Variants in PPP4R4 observed in about 807,000 individuals in gnomAD.
PPP4R4 encodes serine/threonine-protein phosphatase 4 regulatory subunit 4.
PPP4R4 carries 70 observed loss-of-function variants against 121.8 expected under a neutral mutation model. The ratio of observed to expected loss-of-function variants is 0.57; its 90% confidence interval spans 0.47 to 0.70. PPP4R4 has a LOEUF of 0.70. Ranked by LOEUF, PPP4R4 falls within the 30% of genes least tolerant of loss-of-function variation. The probability of loss-of-function intolerance (pLI) is 0.00; values close to 1 mark genes in which losing one functional copy is unlikely to be tolerated. For missense variants in PPP4R4, 875 were observed against 1,033.6 expected (o/e 0.85, Z 2.10); for synonymous variants, 348 against 355.7 (o/e 0.98, Z 0.24).
At chr14:94,270,682 G>C (rs112545960) in intron 23 of PPP4R4, among the ~76,000 whole-genome samples, 2,922 of 152,210 alleles carry the variant, frequency 0.019, 90 homozygotes, top group African/African-American at 0.066. Flanking sequence ...CAATTTGGGA[G>C]GCAGAGACGG....
In PPP4R4 at chr14:94,275,387, G is replaced by T. The variant is rs2139671642; in HGVS notation, c.2463G>T (p.Arg821=). ...SVLSLADDSF[R]TRNASSVPSS... ...TATTGCTTTCAGATGATTCATTCCGGACTCGTAATGCCAGTAGCGTTCCAT... is the reference window on the plus strand; with the variant it reads ...TATTGCTTTCAGATGATTCATTCCGTACTCGTAATGCCAGTAGCGTTCCAT... Residue 821 remains arginine, a synonymous_variant, in exon 24 of 25, where the codon CGG becomes CGT. Coordinates refer to ENST00000304338, the MANE Select transcript of PPP4R4 (RefSeq NM_058237.2). 1 of 1,613,788 alleles carries T rather than the reference G, an allele frequency of 6.2e-7. No homozygotes were observed. The highest frequency in any genetic ancestry group is 1.1e-5 in the South Asian group (1 of 91,042).
chr14:94,200,074 C>T (rs1480590169), intron 2 of PPP4R4, among the ~76,000 whole-genome samples: 2 of 152,022 alleles, frequency 1.3e-5, no homozygotes, highest in Non-Finnish European at 2.9e-5. Context: ...CTTCCCTGCA[C>T]CCCCTCCCAT....
chr14:94,177,471 A>T (rs1888742206), intron 2 of PPP4R4, among the ~76,000 whole-genome samples: 2 of 152,230 alleles, frequency 1.3e-5, no homozygotes, highest in Admixed American at 6.5e-5. Flanking sequence ...TGAACAATAG[A>T]TGTCAACATT....
At position 94,278,343 on chromosome 14, in the gene PPP4R4, G is replaced by GA. The variant is rs1894750124; in HGVS notation, c.2598-271dup. 2.0e-5 allele frequency among the ~76,000 whole-genome samples: 3 copies of GA among 152,008 alleles called. No homozygotes were observed. The East Asian group carries it at 5.8e-4, about 29-fold the overall frequency. On this transcript the variant is annotated intron_variant, in intron 24 of 24. Coordinates refer to ENST00000304338, the MANE Select transcript of PPP4R4 (RefSeq NM_058237.2). ...TGGTTATACAAAATTAAAAATGTAG[G>GA]AAAAATATGAATTAAATTGAATGCT...
intron 2 of PPP4R4, among the ~76,000 whole-genome samples, chr14:94,199,007 A>G (rs1409602847): frequency 6.6e-6 from 1 of 152,170 alleles, no homozygotes; most frequent in Admixed American, 6.5e-5. Context: ...TAGCTATTCT[A>G]TATCCTTTGC....
At chr14:94,256,656 A>G (rs537752192) in intron 17 of PPP4R4, 52 bp downstream of exon 17, 8 of 1,453,352 alleles carry the variant, frequency 5.5e-6, no homozygotes, top group Admixed American at 2.1e-5. Context: ...AGGCAGTAAG[A>G]ATCTTAGCTT....
At chr14:94,273,883 C>T (rs1211828364) in intron 23 of PPP4R4, among the ~76,000 whole-genome samples, 1 of 152,040 alleles carries the variant, frequency 6.6e-6, no homozygotes, top group Non-Finnish European at 1.5e-5. Flanking sequence ...AAATTTAAGG[C>T]ATACAAGTTC....
chr14:94,259,083 A>G (rs1421283899), intron 18 of PPP4R4, among the ~76,000 whole-genome samples: 1 of 152,280 alleles, frequency 6.6e-6, no homozygotes, highest in Non-Finnish European at 1.5e-5. Flanking sequence ...CTCATTCACT[A>G]TCATGAGAAG....
intron 3 of PPP4R4, among the ~76,000 whole-genome samples, chr14:94,229,194 G>T (rs574975429): frequency 1.2e-4 from 18 of 152,286 alleles, no homozygotes; most frequent in African/African-American, 4.3e-4. Context: ...TGGAATCAGG[G>T]ACTGGTTAAA....
In PPP4R4 at chr14:94,174,683, G is replaced by A. The variant is rs1595437232; in HGVS notation, c.117+101G>A. On this transcript the variant is annotated intron_variant, in intron 1 of 24. Transcript: ENST00000304338. ...CCACGCCACCACCCTCCCCTCCTCC[G>A]GGCCGCCGGGACCCTCTCAGTCGGG... The A allele has an allele frequency of 3.5e-5, 50 of 1,443,022 alleles. No individual in the cohort carries two copies. In the East Asian group the frequency reaches 1.3e-3, roughly 38 times the overall value. 89.4% of individuals were successfully genotyped at this position (1,443,022 alleles called of 1,614,324 possible).
chr14:94,264,133 T>C (rs1330578279), intron 19 of PPP4R4, among the ~76,000 whole-genome samples: 1 of 152,168 alleles, frequency 6.6e-6, no homozygotes, highest in Non-Finnish European at 1.5e-5. Context: ...ATAATTTGTG[T>C]ACTTTCTTTA....
chr14:94,233,026 C>G (rs1461325629), intron 5 of PPP4R4, among the ~76,000 whole-genome samples: 1 of 151,616 alleles, frequency 6.6e-6, no homozygotes, highest in Non-Finnish European at 1.5e-5. Flanking sequence ...CCACTGCACT[C>G]CAGCCTGGGC....
At position 94,258,772 on chromosome 14, in the gene PPP4R4, T is replaced by C. The variant is rs750950715; in HGVS notation, c.2011-11T>C. On this transcript the variant is annotated splice_polypyrimidine_tract_variant and intron_variant, in intron 17 of 24. Transcript: ENST00000304338. ...ATTACTTTAGAATAATTTTAAAAAC[T>C]TTCCTTATAGACTGTATTAGAGTTG... The C allele has an allele frequency of 5.2e-6, 8 of 1,551,818 alleles. No individual in the cohort carries two copies. In the East Asian group the frequency reaches 1.6e-4, roughly 30 times the overall value.
At chr14:94,265,726 G>A (rs1894014122) in intron 21 of PPP4R4, 68 bp from the exon 22 acceptor site, 2 of 1,143,834 alleles carry the variant, frequency 1.7e-6, no homozygotes, top group East Asian at 2.4e-5. Flanking sequence ...TAGTTGGGGA[G>A]GGAATGGGGG....
chr14:94,235,799 G>C (rs951947564), intron 7 of PPP4R4, among the ~76,000 whole-genome samples: 2 of 152,032 alleles, frequency 1.3e-5, no homozygotes, highest in African/African-American at 4.8e-5. Context: ...TTAGAAGTGT[G>C]ATATTAAAGG....
At chr14:94,207,791 G>A (rs1016881098) in intron 2 of PPP4R4, among the ~76,000 whole-genome samples, 2 of 151,370 alleles carry the variant, frequency 1.3e-5, no homozygotes, top group African/African-American at 4.9e-5. Flanking sequence ...TTTGCTGTTT[G>A]TGGAAATGGT....
chr14:94,196,286 G>T (rs1212309242), intron 2 of PPP4R4, among the ~76,000 whole-genome samples: 1 of 143,578 alleles, frequency 7.0e-6, no homozygotes, highest in African/African-American at 2.5e-5. Context: ...TTTCTCTCAA[G>T]CCTGTATTAC....
chr14:94,231,286 G>A lies in PPP4R4; in HGVS notation c.487G>A (p.Val163Ile). The A allele has an allele frequency of 1.9e-6, 3 of 1,612,364 alleles. No individual in the cohort carries two copies. Among genetic ancestry groups the A allele is most frequent in the South Asian group, 1.1e-5 (1 of 90,964 alleles). Reference sequence around the variant, plus strand: ...GGAAACTCTTCTGTCTGTTATAGAAGTATTGCCAAAAGAAACCCTACGGCA... The same window carrying A: ...GGAAACTCTTCTGTCTGTTATAGAAATATTGCCAAAAGAAACCCTACGGCA... ...WLETLLSVIE[V>I]LPKETLRHEI... Residue 163 changes from valine to isoleucine, a missense_variant, in exon 5 of 25, where the codon GTA becomes ATA. By Grantham distance (29) the Val-to-Ile change is conservative. Transcript: ENST00000304338.
At chr14:94,265,681 G>T (rs1229894961) in intron 21 of PPP4R4, 113 bp from the exon 22 acceptor site, 2 of 894,956 alleles carry the variant, frequency 2.2e-6, no homozygotes, top group East Asian at 2.5e-5. Context: ...AAGGAAAAAA[G>T]GCTAAAGCCA....
Sources: gnomAD v4.1 joint callset for allele counts (sites outside exome capture counted in the v4.1 genomes callset) on GRCh38, gnomAD v4.1.1 for gene constraint, MANE v1.5 for transcripts, NCBI Gene and HGNC (gene_info 2026-07-23, HGNC 2026-07-21) for gene names.